The following OGDH variants were observed in gnomAD, a reference collection of about 807,000 sequenced individuals.
OGDH encodes the protein 2-oxoglutarate dehydrogenase complex component E1.
Under a neutral mutation model 116.6 loss-of-function variants are expected in OGDH, and 38 were observed. The observed-to-expected ratio is 0.33, with a 90% CI of 0.25 to 0.43. OGDH has a LOEUF of 0.43. Ranked by LOEUF, OGDH falls within the 20% of genes least tolerant of loss-of-function variation. The pLI, the probability that OGDH is intolerant of heterozygous loss-of-function variation, is 1.00. For synonymous variants in OGDH, 488 were observed against 533.3 expected (o/e 0.92, Z 1.17); for missense variants, 825 against 1,357.2 (o/e 0.61, Z 6.16).
chr7:44,695,940 C>T (rs1214744875), intron 12 of OGDH, 85 bp from the exon 13 acceptor site: 10 of 747,918 alleles, frequency 1.3e-5, no homozygotes, highest in Non-Finnish European at 2.2e-5. Context: ...TGCGTGGTGG[C>T]TGTCAGAAAG....
chr7:44,640,554 A>G (rs1018889222), intron 2 of OGDH, among the ~76,000 whole-genome samples: 2 of 152,230 alleles, frequency 1.3e-5, no homozygotes, highest in East Asian at 3.8e-4. Context: ...CCAAAAGTGA[A>G]TATTGTCCCC....
intron 2 of OGDH, among the ~76,000 whole-genome samples, chr7:44,628,967 G>A (rs954315854): frequency 1.3e-5 from 2 of 151,942 alleles, no homozygotes; most frequent in Non-Finnish European, 2.9e-5. Context: ...CTAGACTTTC[G>A]TCTCTGTTCT....
At chr7:44,667,303 T>C (rs1264081480) in intron 5 of OGDH, among the ~76,000 whole-genome samples, 1 of 152,076 alleles carries the variant, frequency 6.6e-6, no homozygotes, top group Admixed American at 6.6e-5. Flanking sequence ...ATTTTATAGA[T>C]AGAAACCAGT....
chr7:44,707,110 C>A lies in OGDH; in HGVS notation c.2633-115C>A. 8.9e-7 allele frequency: 1 copy of A among 1,123,400 alleles called. No individual in the cohort carries two copies. The highest frequency in any genetic ancestry group is 1.3e-6 in the Non-Finnish European group (1 of 785,196). 69.6% of individuals were successfully genotyped at this position (1,123,400 alleles called of 1,614,324 possible). A position where few individuals can be genotyped will look rare whatever the true frequency, so the allele number is the denominator to read the frequency against. On this transcript the variant is annotated intron_variant, in intron 20 of 22. Coordinates refer to ENST00000222673, the MANE Select transcript of OGDH (RefSeq NM_002541.4). The surrounding 1 kb of genome is among the most constrained non-coding windows in gnomAD (Gnocchi z 5.2). ...AGAGGCTGGTGAAGGGGAAGCATCTCTAACCCTTGAAAGCTGCGTCTCCTG... is the reference window on the plus strand; with the variant it reads ...AGAGGCTGGTGAAGGGGAAGCATCTATAACCCTTGAAAGCTGCGTCTCCTG...
chr7:44,616,796 T>TATATATATATACATATATATAC, intron 1 of OGDH, among the ~76,000 whole-genome samples: 2 of 103,736 alleles, frequency 1.9e-5, no homozygotes, highest in African/African-American at 7.1e-5. Flanking sequence ...TATATATATG[T>TATATATATATACATATATATAC]GTATATATAT....
intron 2 of OGDH, among the ~76,000 whole-genome samples, chr7:44,626,330 CA>C (rs1162231356): frequency 7.2e-5 from 9 of 124,594 alleles, no homozygotes; most frequent in African/African-American, 2.7e-4. Context: ...CACACACACA[CA>C]CCCCTACACA....
chr7:44,618,282 G>A (rs1213313709), intron 1 of OGDH, among the ~76,000 whole-genome samples: 1 of 152,036 alleles, frequency 6.6e-6, no homozygotes, highest in East Asian at 1.9e-4. Flanking sequence ...CATTTAAATT[G>A]TAAGGTGAAT....
At chr7:44,621,433 A>C (rs1785004874) in intron 1 of OGDH, among the ~76,000 whole-genome samples, 1 of 152,194 alleles carries the variant, frequency 6.6e-6, no homozygotes, top group Admixed American at 6.5e-5. Context: ...GGTATTTACC[A>C]GAATTAGAAA....
At chr7:44,637,003 A>G (rs572573851) in intron 2 of OGDH, among the ~76,000 whole-genome samples, 11 of 152,174 alleles carry the variant, frequency 7.2e-5, no homozygotes, top group African/African-American at 2.7e-4. Flanking sequence ...AAAGTCAGCC[A>G]TTACCCTGGT....
At chr7:44,613,462 G>A (rs190202857) in intron 1 of OGDH, among the ~76,000 whole-genome samples, 16 of 152,242 alleles carry the variant, frequency 1.1e-4, no homozygotes, top group Non-Finnish European at 2.2e-4. Context: ...CCAGGTTCAC[G>A]CCATTCTTCT....
Position 44,697,232 on chromosome 7 carries a change from G to A in OGDH, c.2052-138G>A, listed in dbSNP as rs1338845197. 3 of 1,459,622 alleles carry A rather than the reference G, an allele frequency of 2.1e-6. No homozygotes were observed. Among genetic ancestry groups the A allele is most frequent in the Non-Finnish European group, 2.8e-6 (3 of 1,070,474 alleles). The allele number at this position is 1,459,622 out of a possible 1,614,324, so 90.4% of individuals were successfully genotyped here. On this transcript the variant is annotated intron_variant, in intron 15 of 22. Transcript: ENST00000222673. The surrounding 1 kb of genome is among the most constrained non-coding windows in gnomAD (Gnocchi z 6.0). ...TATGGGTGCTTCTGTTAAGACCTGG[G>A]TGGGGCCGACCCTGCAGCTGCCTGG...
At chr7:44,671,466 TA>T (rs1024327148) in intron 5 of OGDH, among the ~76,000 whole-genome samples, 2 of 152,080 alleles carry the variant, frequency 1.3e-5, no homozygotes, top group African/African-American at 4.8e-5. Flanking sequence ...AACGGGTTAA[TA>T]AAAATATCTT....
intron 20 of OGDH, among the ~76,000 whole-genome samples, chr7:44,705,631 G>A: frequency 6.6e-6 from 1 of 151,966 alleles, no homozygotes; most frequent in Admixed American, 6.6e-5. Context: ...CTCAATTCCT[G>A]GGCTCAAGTG....
At position 44,610,302 on chromosome 7, in the gene OGDH, T is replaced by G. The variant is rs144953966; in HGVS notation, c.-28+3649T>G. 1.3e-3 allele frequency among the ~76,000 whole-genome samples: 196 copies of G among 152,252 alleles called. 1 individual carries two copies. The East Asian group carries it at 0.021, about 16-fold the overall frequency. ...GCATGTCTTTTCATCTTGGTTTTTT[T>G]TTTGTTTGTTTGTTTGTTTTGTTTT... On this transcript the variant is annotated intron_variant, in intron 1 of 22. Coordinates refer to ENST00000222673, the MANE Select transcript of OGDH (RefSeq NM_002541.4).
Position 44,694,584 on chromosome 7 carries a change from C to T in OGDH, c.1668+8C>T. On this transcript the variant is annotated splice_region_variant and intron_variant, in intron 12 of 22. Transcript: ENST00000222673. The surrounding 1 kb of genome is among the most constrained non-coding windows in gnomAD (Gnocchi z 4.2). Reference sequence around the variant, plus strand: ...AACCAGCCTGAGTATGAGGTACGTCCCTGCGGCTCTATCCCAGTGCGCCTT... The same window carrying T: ...AACCAGCCTGAGTATGAGGTACGTCTCTGCGGCTCTATCCCAGTGCGCCTT... 1 of 1,613,528 alleles carries T rather than the reference C, an allele frequency of 6.2e-7. No individual in the cohort carries two copies. The highest frequency in any genetic ancestry group is 8.5e-7 in the Non-Finnish European group (1 of 1,179,512).
In OGDH at chr7:44,708,262, C is replaced by A; in HGVS notation, c.*263C>A. ...GGGGAGCAGGAGGAGGAAAGGTAGC[C>A]CCCGAGGGATGTCCTTGGGGAGGGG... On this transcript the variant is annotated 3_prime_UTR_variant, in exon 23 of 23. Coordinates refer to ENST00000222673, the MANE Select transcript of OGDH (RefSeq NM_002541.4). 1 of 431,802 alleles carries A rather than the reference C, an allele frequency of 2.3e-6. No individual in the cohort carries two copies. The highest frequency in any genetic ancestry group is 4.2e-6 in the Non-Finnish European group (1 of 238,880). The allele number at this position is 431,802 out of a possible 1,614,324, so 26.7% of individuals were successfully genotyped here.
chr7:44,613,403 C>G (rs543743817), intron 1 of OGDH, among the ~76,000 whole-genome samples: 56 of 152,320 alleles, frequency 3.7e-4, no homozygotes, highest in Admixed American at 8.5e-4. Flanking sequence ...CTCTGTCACC[C>G]AGGCTGGAGT....
At chr7:44,695,221 AAGTAC>A (rs1396984188) in intron 12 of OGDH, among the ~76,000 whole-genome samples, 1 of 151,988 alleles carries the variant, frequency 6.6e-6, no homozygotes, top group Non-Finnish European at 1.5e-5. Flanking sequence ...TCAGCGTCCC[AAGTAC>A]CTGGGATTAC....
intron 10 of OGDH, among the ~76,000 whole-genome samples, chr7:44,691,486 C>G (rs1489855161): frequency 6.9e-6 from 1 of 145,820 alleles, no homozygotes; most frequent in Non-Finnish European, 1.5e-5. Flanking sequence ...GAGCCGTGAT[C>G]ACACCACTAC....
Sources: gnomAD v4.1 joint callset for allele counts (sites outside exome capture counted in the v4.1 genomes callset) on GRCh38, gnomAD v4.1.1 for gene constraint, Gnocchi (gnomAD v3.1) non-coding constraint, MANE v1.5 for transcripts, NCBI Gene and HGNC (gene_info 2026-07-23, HGNC 2026-07-21) for gene names.